Variants in ANK3 observed in about 807,000 individuals in gnomAD.
The protein encoded by ANK3 is ankyrin-3.
A neutral mutation model predicts 370.9 loss-of-function variants in ANK3; 57 were observed. The observed-to-expected ratio is 0.15, with a 90% CI of 0.12 to 0.19. The LOEUF (loss-of-function observed/expected upper bound fraction) is 0.19. ANK3 is among the 10% of genes least tolerant of loss of function. The pLI, the probability that ANK3 is intolerant of heterozygous loss-of-function variation, is 1.00. For missense variants in ANK3, 4,439 were observed against 5,302.1 expected, an observed-to-expected ratio of 0.84 and a Z score of 5.06; for synonymous variants, 1,929 against 1,946.3, an observed-to-expected ratio of 0.99 and a Z score of 0.23.
At chr10:60,443,683 A>G (rs2064359373) in intron 2 of ANK3, among the ~76,000 whole-genome samples, 1 of 152,198 alleles carries the variant, frequency 6.6e-6, no homozygotes, top group African/African-American at 2.4e-5. Context: ...TTCCAAGGAG[A>G]GTACCCCAGT....
chr10:60,642,737 C>T (rs1397796414), intron 1 of ANK3, among the ~76,000 whole-genome samples: 1 of 151,900 alleles, frequency 6.6e-6, no homozygotes, highest in Non-Finnish European at 1.5e-5. Flanking sequence ...ATGTAACTAA[C>T]CTGCACATTG....
At chr10:60,337,899 A>G (rs1034722721) in intron 1 of ANK3, among the ~76,000 whole-genome samples, 3 of 152,230 alleles carry the variant, frequency 2.0e-5, no homozygotes, top group African/African-American at 7.2e-5. Flanking sequence ...TGGCCAGTGA[A>G]GAAGCATTGA....
At chr10:60,245,276 T>C (rs541107926) in intron 7 of ANK3, among the ~76,000 whole-genome samples, 122 of 152,332 alleles carry the variant, frequency 8.0e-4, no homozygotes, top group African/African-American at 2.9e-3. Context: ...TATAAAAACA[T>C]ATTTTCTGTA....
At chr10:60,112,120 C>T (rs779889404) in intron 26 of ANK3, among the ~76,000 whole-genome samples, 1 of 152,164 alleles carries the variant, frequency 6.6e-6, no homozygotes, top group Non-Finnish European at 1.5e-5. Flanking sequence ...TCAAATACTT[C>T]ATTGTTTTTA....
chr10:60,285,912 T>C (rs2098237414), intron 1 of ANK3, among the ~76,000 whole-genome samples: 1 of 152,186 alleles, frequency 6.6e-6, no homozygotes, highest in South Asian at 2.1e-4. Flanking sequence ...TGTAACTCTC[T>C]GATTACCTTT....
chr10:60,323,152 A>G (rs988021983), intron 1 of ANK3, among the ~76,000 whole-genome samples: 2 of 151,648 alleles, frequency 1.3e-5, no homozygotes, highest in Non-Finnish European at 2.9e-5. Context: ...GGGTGTATTA[A>G]CAAGCCAGTT....
At chr10:60,552,388 T>C (rs2133234317) in intron 2 of ANK3, among the ~76,000 whole-genome samples, 1 of 152,346 alleles carries the variant, frequency 6.6e-6, no homozygotes, top group South Asian at 2.1e-4. Flanking sequence ...TACTAAAATA[T>C]ACATATGTGA....
chr10:60,226,213 T>C lies in ANK3; in HGVS notation c.897+8475A>G, dbSNP rs1364387974. Reference sequence around the variant, plus strand: ...TATATACTATATTATATAGTATATGTAATACTATATATACTATGTATATAT... The same window carrying C: ...TATATACTATATTATATAGTATATGCAATACTATATATACTATGTATATAT... On this transcript the variant is annotated intron_variant, in intron 8 of 43. Transcript: ENST00000280772. 2.4e-5 allele frequency among the ~76,000 whole-genome samples: 3 copies of C among 125,746 alleles called. 1 individual carries two copies. In the South Asian group the frequency reaches 7.1e-4, roughly 30 times the overall value. The allele number at this position is 125,746 out of a possible 152,430, so 82.5% of individuals were successfully genotyped here. A position where few individuals can be genotyped will look rare whatever the true frequency, so the allele number is the denominator to read the frequency against.
rs1400385790 is a variant in ANK3 at position 60,083,741 on chromosome 10, A to C, written c.4075-124T>G. The C allele has an allele frequency of 7.8e-6, 6 of 768,134 alleles. No homozygotes were observed. The East Asian group carries it at 1.7e-4, about 22-fold the overall frequency. 47.6% of individuals were successfully genotyped at this position (768,134 alleles called of 1,614,324 possible). ...TTACACGTGTCTCTATTAGGCAGTT[A>C]CTTCTGTGGTGCTATTTGCAACAAA... is the stretch of plus-strand genomic sequence containing the variant. On this transcript the variant is annotated intron_variant, in intron 32 of 43. Transcript: ENST00000280772.
chr10:60,080,117 A>G (rs906320211), intron 36 of ANK3, among the ~76,000 whole-genome samples: 1 of 152,170 alleles, frequency 6.6e-6, no homozygotes, highest in African/African-American at 2.4e-5. Flanking sequence ...GGACTAGGAT[A>G]TGACAACCTA....
At chr10:60,708,788 A>G (rs1256838490) in intron 1 of ANK3, among the ~76,000 whole-genome samples, 1 of 152,192 alleles carries the variant, frequency 6.6e-6, no homozygotes, top group Non-Finnish European at 1.5e-5. Flanking sequence ...GCACATTAAA[A>G]GACTGAGTGA....
intron 2 of ANK3, among the ~76,000 whole-genome samples, chr10:60,468,792 A>T (rs2065069612): frequency 6.6e-6 from 1 of 151,658 alleles, no homozygotes; most frequent in South Asian, 2.1e-4. Context: ...TACACTGGTT[A>T]TTGTGATTTG....
chr10:60,322,807 A>T (rs1056537363), intron 1 of ANK3, among the ~76,000 whole-genome samples: 2 of 152,064 alleles, frequency 1.3e-5, no homozygotes, highest in Non-Finnish European at 2.9e-5. Flanking sequence ...GGGGGGAAAA[A>T]AAATCTAGTG....
Position 60,418,715 on chromosome 10 carries a change from GA to G in ANK3, c.97-139077del, listed in dbSNP as rs879309416. Among the ~76,000 whole-genome samples, 1,216 of 134,152 alleles carry G rather than the reference GA, an allele frequency of 9.1e-3. 13 individuals carry two copies. The highest frequency in any genetic ancestry group is 0.025 in the African/African-American group (919 of 36,520). The allele number at this position is 134,152 out of a possible 152,430, so 88.0% of individuals were successfully genotyped here. A position where few individuals can be genotyped will look rare whatever the true frequency, so the allele number is the denominator to read the frequency against. On this transcript the variant is annotated intron_variant, in intron 2 of 43. Transcript: ENST00000373827. ...TATTGCATGGGACATACTTACGCTA[GA>G]AAAAAAAAAAAGCCTTGTTTATCTG... is the stretch of plus-strand genomic sequence containing the variant.
intron 2 of ANK3, among the ~76,000 whole-genome samples, chr10:60,479,764 A>G (rs1290649733): frequency 2.0e-5 from 3 of 152,064 alleles, no homozygotes; most frequent in Non-Finnish European, 4.4e-5. Context: ...ATCATCCTTC[A>G]AGGTTCAGTT....
chr10:60,410,148 G>C lies in ANK3; in HGVS notation c.97-130509C>G, dbSNP rs72806163. ...CACCTTGCTTCAAAGTAGTAGGCAG[G>C]CCAGGTGTGGTGGCTCATACCTGTA... On this transcript the variant is annotated intron_variant, in intron 2 of 43. Transcript: ENST00000373827. 4.9e-3 allele frequency among the ~76,000 whole-genome samples: 740 copies of C among 152,250 alleles called. 4 individuals are homozygous for C. The highest frequency in any genetic ancestry group is 6.3e-3 in the Non-Finnish European group (426 of 68,028).
chr10:60,456,239 G>T (rs1209053026), intron 2 of ANK3, among the ~76,000 whole-genome samples: 1 of 152,222 alleles, frequency 6.6e-6, no homozygotes, highest in Non-Finnish European at 1.5e-5. Flanking sequence ...CCAGTCAGGA[G>T]TCAAGCTGCC....
intron 8 of ANK3, among the ~76,000 whole-genome samples, chr10:60,230,068 A>G (rs922335394): frequency 2.6e-5 from 4 of 152,172 alleles, no homozygotes; most frequent in Admixed American, 1.3e-4. Flanking sequence ...AGCACTAAAT[A>G]CAAGTATAGC....
chr10:60,049,410 A>C (rs2077498502), intron 42 of ANK3, among the ~76,000 whole-genome samples: 2 of 152,170 alleles, frequency 1.3e-5, no homozygotes, highest in South Asian at 4.1e-4. Context: ...AACATGGTGA[A>C]ACCCCATCTC....
Sources: gnomAD v4.1 joint callset for allele counts (sites outside exome capture counted in the v4.1 genomes callset) on GRCh38, gnomAD v4.1.1 for gene constraint, MANE v1.5 for transcripts, NCBI Gene and HGNC (gene_info 2026-07-23, HGNC 2026-07-21) for gene names.